Variants in FBXW7 observed in about 807,000 individuals in gnomAD.
The protein encoded by FBXW7 is F-box and WD repeat domain containing 7.
FBXW7 carries 11 observed loss-of-function variants against 86.3 expected under a neutral mutation model. The ratio of observed to expected loss-of-function variants is 0.13; its 90% CI spans 0.08 to 0.21. The LOEUF (loss-of-function observed/expected upper bound fraction) is 0.21, where lower values mean the gene tolerates loss of function less well. Ranked by LOEUF, FBXW7 falls within the 10% of genes least tolerant of loss-of-function variation. FBXW7 has a pLI of 1.00. For missense variants in FBXW7, 488 were observed against 847.4 expected, an observed-to-expected ratio of 0.58 and a Z score of 5.27; for synonymous variants, 313 against 297.9, an observed-to-expected ratio of 1.05 and a Z score of -0.52.
chr4:152,467,677 A>C lies in FBXW7; in HGVS notation c.-119-55148T>G, dbSNP rs983603799. 1.3e-5 allele frequency among the ~76,000 whole-genome samples: 2 copies of C among 152,210 alleles called. 1 individual carries two copies. Among genetic ancestry groups the C allele is most frequent in the South Asian group, 4.1e-4 (2 of 4,826 alleles). ...TGCCTCCTTTGGGCTTTGACTGTCA[A>C]ACACAAGAAATGCCAATGCTTTTTC... is the stretch of plus-strand genomic sequence containing the variant. On this transcript the variant is annotated intron_variant, in intron 2 of 13. Coordinates refer to ENST00000281708, the MANE Select transcript of FBXW7 (RefSeq NM_001349798.2).
intron 6 of FBXW7, among the ~76,000 whole-genome samples, chr4:152,339,343 C>G (rs935723009): frequency 2.6e-4 from 39 of 152,132 alleles, no homozygotes; most frequent in African/African-American, 9.2e-4. Flanking sequence ...ACACACGTGA[C>G]CAATTAAAAG....
intron 4 of FBXW7, among the ~76,000 whole-genome samples, chr4:152,398,333 TA>T (rs201979300): frequency 2.7e-4 from 39 of 146,806 alleles, no homozygotes; most frequent in Admixed American, 2.7e-4. Context: ...TGTTTCACAG[TA>T]AAAAAAAAAA....
intron 2 of FBXW7, among the ~76,000 whole-genome samples, chr4:152,520,876 A>G (rs912927073): frequency 2.0e-5 from 3 of 152,254 alleles, no homozygotes; most frequent in African/African-American, 7.2e-5. Flanking sequence ...TGCAGAAGAA[A>G]AAAGTTCACA....
chr4:152,498,790 A>C (rs1464875150), intron 2 of FBXW7, among the ~76,000 whole-genome samples: 1 of 152,226 alleles, frequency 6.6e-6, no homozygotes, highest in East Asian at 1.9e-4. Context: ...GCAAAGAAGA[A>C]AAAGCAATTC....
At chr4:152,497,304 A>G (rs748470208) in intron 2 of FBXW7, among the ~76,000 whole-genome samples, 8 of 128,092 alleles carry the variant, frequency 6.2e-5, no homozygotes, top group Non-Finnish European at 7.9e-5. Context: ...CCTGGGAGAC[A>G]GAGTGAGACT....
chr4:152,471,359 G>A (rs935846281), intron 2 of FBXW7, among the ~76,000 whole-genome samples: 1 of 142,830 alleles, frequency 7.0e-6, no homozygotes, highest in East Asian at 2.2e-4. Context: ...ATTACAGGGA[G>A]GGAAGGAAGG....
At chr4:152,397,774 A>T (rs943149985) in intron 4 of FBXW7, among the ~76,000 whole-genome samples, 2 of 150,180 alleles carry the variant, frequency 1.3e-5, no homozygotes, top group African/African-American at 2.4e-5. Flanking sequence ...CACGATGATT[A>T]GGTGGTTATA....
At position 152,411,797 on chromosome 4, in the gene FBXW7, G is replaced by C. The variant is rs2126883163; in HGVS notation, c.7C>G (p.Gln3Glu). The stretch of plus-strand genomic sequence containing the variant: ...TTGCTGCCCACAGAGAGCAGTTCCT[G>C]ATTCATTTCCAAAAGCCAGCTTGCT... MNQELLSVGSKRR... is the reference protein window; with the variant it reads MNEELLSVGSKRR... Residue 3 changes from glutamine to glutamate, a missense_variant, in exon 4 of 14, where the codon CAG (glutamine) becomes GAG (glutamate). Physicochemically the swap from Gln to Glu is conservative, Grantham distance 29. Around this residue, in one of 4 missense-constraint regions of FBXW7, gnomAD observed 230 missense variants for 240.0 expected, o/e 0.96. Coordinates refer to ENST00000281708, the MANE Select transcript of FBXW7 (RefSeq NM_001349798.2). 1 of 1,604,114 alleles carries C rather than the reference G, an allele frequency of 6.2e-7. No homozygotes were observed. Among genetic ancestry groups the C allele is most frequent in the South Asian group, 1.1e-5 (1 of 90,552 alleles).
chr4:152,373,344 T>C (rs1310744976), intron 4 of FBXW7, among the ~76,000 whole-genome samples: 1 of 152,014 alleles, frequency 6.6e-6, no homozygotes, highest in Non-Finnish European at 1.5e-5. Context: ...CTTATTCTAT[T>C]ACCCTATTTT....
intron 4 of FBXW7, among the ~76,000 whole-genome samples, chr4:152,381,457 C>G (rs796343725): frequency 6.6e-6 from 1 of 151,984 alleles, no homozygotes; most frequent in Admixed American, 6.6e-5. Context: ...TATGTTAGAT[C>G]TAAAAATATA....
At chr4:152,509,199 A>AT (rs1747730434) in intron 2 of FBXW7, among the ~76,000 whole-genome samples, 1 of 152,232 alleles carries the variant, frequency 6.6e-6, no homozygotes, top group African/African-American at 2.4e-5. Context: ...ATTGGTGAGA[A>AT]AATGGGTGAA....
intron 6 of FBXW7, among the ~76,000 whole-genome samples, chr4:152,341,803 G>T (rs762137183): frequency 6.6e-6 from 1 of 152,142 alleles, no homozygotes; most frequent in African/African-American, 2.4e-5. Flanking sequence ...GACTATCTAC[G>T]TGTGTATGTG....
intron 2 of FBXW7, among the ~76,000 whole-genome samples, chr4:152,470,289 T>TTA: frequency 6.6e-6 from 1 of 152,192 alleles, no homozygotes; most frequent in South Asian, 2.1e-4. Context: ...AGACAAAAAA[T>TTA]TATAGATCAA....
intron 2 of FBXW7, among the ~76,000 whole-genome samples, chr4:152,434,482 C>T (rs1188619513): frequency 6.6e-6 from 1 of 152,158 alleles, no homozygotes. Context: ...CAAATCTGTC[C>T]TCTATGCCTT....
chr4:152,365,910 A>G (rs1039890839), intron 4 of FBXW7, among the ~76,000 whole-genome samples: 14 of 152,172 alleles, frequency 9.2e-5, no homozygotes, highest in African/African-American at 3.4e-4. Context: ...CAGTATTTTT[A>G]TTCTGTTTTG....
At chr4:152,397,695 C>CAAAAAAAAAAAAAAA (rs397995836) in intron 4 of FBXW7, among the ~76,000 whole-genome samples, 2 of 60,406 alleles carry the variant, frequency 3.3e-5, no homozygotes, top group African/African-American at 1.1e-4. Flanking sequence ...CCTAAGAAGC[C>CAAAAAAAAAAAAAAA]AAAAAAAAAA....
At position 152,320,617 on chromosome 4, in the gene FBXW7, A is replaced by G. The variant is rs1288024421; in HGVS notation, c.*2264T>C. 1 of 152,068 alleles carries G rather than the reference A, an allele frequency of 6.6e-6. No homozygotes were observed. Among genetic ancestry groups the G allele is most frequent in the Admixed American group, 6.6e-5 (1 of 15,254 alleles). 9.4% of individuals were successfully genotyped at this position (152,068 alleles called of 1,614,324 possible). A position where few individuals can be genotyped will look rare whatever the true frequency, so the allele number is the denominator to read the frequency against. ...ATTTTATAAAATTTAGATTTGTTGAACAAAACGGCTACAGAACAGTCAGAA... is the reference window on the plus strand; with the variant it reads ...ATTTTATAAAATTTAGATTTGTTGAGCAAAACGGCTACAGAACAGTCAGAA... On this transcript the variant is annotated 3_prime_UTR_variant, in exon 14 of 14. Transcript: ENST00000281708.
intron 2 of FBXW7, among the ~76,000 whole-genome samples, chr4:152,454,264 T>TCCC (rs1742204904): frequency 3.4e-5 from 4 of 118,292 alleles, no homozygotes; most frequent in African/African-American, 1.4e-4. Flanking sequence ...CCCCCCCCCT[T>TCCC]TTTTTTTTTT....
chr4:152,531,695 T>G (rs1187426853), intron 2 of FBXW7, among the ~76,000 whole-genome samples: 1 of 152,132 alleles, frequency 6.6e-6, no homozygotes, highest in East Asian at 1.9e-4. Flanking sequence ...TGTCAGCTAT[T>G]TTTGGCCTCA....
Sources: gnomAD v4.1 joint callset for allele counts (sites outside exome capture counted in the v4.1 genomes callset) on GRCh38, gnomAD v4.1.1 for gene constraint, gnomAD v4.1.1 regional missense constraint, MANE v1.5 for transcripts, NCBI Gene and HGNC (gene_info 2026-07-23, HGNC 2026-07-21) for gene names.